CUBN: variants seen among roughly 807,000 people sequenced by gnomAD.
The protein encoded by CUBN is 460 kDa receptor.
Under a neutral mutation model 405.3 loss-of-function variants are expected in CUBN, and 282 were observed. The observed-to-expected ratio is 0.70, with a 90% CI of 0.63 to 0.77. The LOEUF (loss-of-function observed/expected upper bound fraction) is 0.77, where lower values mean the gene tolerates loss of function less well. Among genes scored for constraint, CUBN ranks in the 30% least tolerant of loss-of-function variants. The pLI is 0.00. For missense variants in CUBN, 4,514 were observed against 4,475.2 expected, an observed-to-expected ratio of 1.01 and a Z score of -0.25; for synonymous variants, 1,684 against 1,617.0, an observed-to-expected ratio of 1.04 and a Z score of -0.99.
intron 28 of CUBN, among the ~76,000 whole-genome samples, chr10:16,995,686 A>G (rs1833713211): frequency 6.6e-6 from 1 of 152,162 alleles, no homozygotes; most frequent in Non-Finnish European, 1.5e-5. Flanking sequence ...ACTTGGAGCT[A>G]GAAGAGGAAT....
At chr10:16,924,364 G>A (rs937565089) in intron 43 of CUBN, among the ~76,000 whole-genome samples, 60 of 152,228 alleles carry the variant, frequency 3.9e-4, no homozygotes, top group African/African-American at 1.4e-3. Flanking sequence ...TCCTTCCCTG[G>A]TGTTCTGGAC....
intron 14 of CUBN, among the ~76,000 whole-genome samples, chr10:17,090,932 T>G (rs925702235): frequency 6.6e-6 from 1 of 152,040 alleles, no homozygotes; most frequent in African/African-American, 2.4e-5. Context: ...CAAAAAAGTT[T>G]TTTCTAATTC....
chr10:17,110,902 T>G lies in CUBN; in HGVS notation c.1015+17A>C, dbSNP rs200154949. On this transcript the variant is annotated intron_variant, in intron 9 of 66. Coordinates refer to ENST00000377833, the MANE Select transcript of CUBN (RefSeq NM_001081.4). ...CTGTGCTGGGGTCAGGAGGTTGACATTGAACCGAGGCAGCACCTGGTGGAC... is the reference window on the plus strand; with the variant it reads ...CTGTGCTGGGGTCAGGAGGTTGACAGTGAACCGAGGCAGCACCTGGTGGAC... The G allele has an allele frequency of 1.9e-6, 3 of 1,614,172 alleles. No individual in the cohort carries two copies. The highest frequency in any genetic ancestry group is 2.5e-6 in the Non-Finnish European group (3 of 1,180,032).
chr10:16,882,600 T>A lies in CUBN; in HGVS notation c.8906-5503A>T, dbSNP rs192538458. On this transcript the variant is annotated intron_variant, in intron 56 of 66. Transcript: ENST00000377833. ...GGATTTAGAGTTGGACCACAGTTTTTCTCCAAAGTGGGGGGAGGGCGTGGG... is the reference window on the plus strand; with the variant it reads ...GGATTTAGAGTTGGACCACAGTTTTACTCCAAAGTGGGGGGAGGGCGTGGG... Among the ~76,000 whole-genome samples, 320 of 152,302 alleles carry A rather than the reference T, an allele frequency of 2.1e-3. 1 individual carries two copies. The highest frequency in any genetic ancestry group is 7.0e-3 in the African/African-American group (292 of 41,548).
At chr10:16,848,317 C>A (rs1267713316) in intron 60 of CUBN, among the ~76,000 whole-genome samples, 5 of 152,026 alleles carry the variant, frequency 3.3e-5, no homozygotes, top group Non-Finnish European at 5.9e-5. Flanking sequence ...ATATGCAAAT[C>A]CATTATTTTT....
intron 6 of CUBN, among the ~76,000 whole-genome samples, chr10:17,118,819 T>C (rs1393137644): frequency 6.6e-6 from 1 of 152,204 alleles, no homozygotes; most frequent in Non-Finnish European, 1.5e-5. Context: ...AAATGAACAA[T>C]TACTTATATA....
At chr10:17,082,415 T>C (rs1365775252) in intron 17 of CUBN, among the ~76,000 whole-genome samples, 1 of 152,198 alleles carries the variant, frequency 6.6e-6, no homozygotes, top group African/African-American at 2.4e-5. Flanking sequence ...TGTGCAAACT[T>C]TTCAGAAGAA....
intron 36 of CUBN, among the ~76,000 whole-genome samples, chr10:16,945,200 A>AT (rs1219087031): frequency 1.4e-5 from 2 of 147,396 alleles, no homozygotes; most frequent in Non-Finnish European, 3.1e-5. Context: ...ACAGGAAAAG[A>AT]CCAAAAAAAA....
At chr10:16,880,833 T>C (rs55819050) in intron 56 of CUBN, among the ~76,000 whole-genome samples, 8,077 of 152,222 alleles carry the variant, frequency 0.053, 750 homozygotes, top group African/African-American at 0.18. Context: ...ATTTTGAAAA[T>C]GCTGGAATAG....
Position 16,907,513 on chromosome 10 carries a change from T to C in CUBN, c.7700A>G (p.Asp2567Gly), listed in dbSNP as rs201036060. ...TTTACAACATCCTACATTACCTGCA[T>C]CTTCACTGGAGGTATAGGAAGCAGT... Reference protein sequence around the residue: ...GFTASYTSSEDAVCGGSLPNT... With the variant: ...GFTASYTSSEGAVCGGSLPNT... The change falls in exon 49 of 67, where the codon GAT becomes GGT. Residue 2567 changes from aspartate (D) to glycine (G), a missense_variant. Asp to Gly is a moderately conservative substitution (Grantham distance 94). Coordinates refer to ENST00000377833, the MANE Select transcript of CUBN (RefSeq NM_001081.4). 6.2e-7 allele frequency: 1 copy of C among 1,614,090 alleles called. No homozygotes were observed. Among genetic ancestry groups the C allele is most frequent in the Non-Finnish European group, 8.5e-7 (1 of 1,179,976 alleles).
intron 54 of CUBN, among the ~76,000 whole-genome samples, chr10:16,895,199 ACT>A (rs901686639): frequency 6.6e-6 from 1 of 152,034 alleles, no homozygotes; most frequent in Non-Finnish European, 1.5e-5. Context: ...CAAAGAACAC[ACT>A]CTGTATTTCA....
intron 58 of CUBN, among the ~76,000 whole-genome samples, chr10:16,872,782 C>T (rs904929372): frequency 6.6e-6 from 1 of 152,206 alleles, no homozygotes; most frequent in Non-Finnish European, 1.5e-5. Flanking sequence ...AAATGGCTCC[C>T]CCTTACACTT....
intron 30 of CUBN, among the ~76,000 whole-genome samples, chr10:16,983,059 A>G (rs1833320176): frequency 6.6e-6 from 1 of 152,180 alleles, no homozygotes; most frequent in Non-Finnish European, 1.5e-5. Flanking sequence ...TTTAATATCT[A>G]CCCTTTAAAA....
At chr10:16,975,762 CT>C (rs1334135696) in intron 31 of CUBN, among the ~76,000 whole-genome samples, 1 of 151,322 alleles carries the variant, frequency 6.6e-6, no homozygotes, top group Non-Finnish European at 1.5e-5. Context: ...TCCCAAGTCG[CT>C]GGGATTACAA....
intron 22 of CUBN, among the ~76,000 whole-genome samples, chr10:17,058,508 A>G (rs1835441959): frequency 6.6e-6 from 1 of 152,150 alleles, no homozygotes; most frequent in Admixed American, 6.5e-5. Context: ...GAAATAAAAC[A>G]TCATATTTGA....
chr10:16,983,662 T>C (rs552684987), intron 30 of CUBN, among the ~76,000 whole-genome samples: 12 of 152,360 alleles, frequency 7.9e-5, no homozygotes, highest in Non-Finnish European at 1.5e-4. Context: ...TTTAAAAATA[T>C]ACAATAGGCA....
intron 36 of CUBN, among the ~76,000 whole-genome samples, chr10:16,942,858 G>GGTAAA (rs1842689962): frequency 8.8e-6 from 1 of 114,212 alleles, no homozygotes; most frequent in Non-Finnish European, 1.7e-5. Context: ...GGAAGGGGAA[G>GGTAAA]GGAAAGGAAG....
chr10:16,913,976 A>T lies in CUBN; in HGVS notation c.7368T>A (p.Leu2456=). The change falls in exon 48 of 67, where the codon CTT becomes CTA. Residue 2456 remains leucine (L), a synonymous_variant. Transcript: ENST00000377833. The stretch of plus-strand genomic sequence containing the variant: ...AAGTAAATGTTCCAATAGAGCCCTG[A>T]AGATCCCCACCACACTCTGACGTGG... ...ESSMEECGGD[L]QGSIGTFTSP... is the part of the protein sequence containing the mutation. The T allele has an allele frequency of 6.2e-7, 1 of 1,614,108 alleles. No homozygotes were observed.
At chr10:17,068,402 T>G in intron 20 of CUBN, 122 bp from the exon 21 acceptor site, 1 of 1,057,272 alleles carries the variant, frequency 9.5e-7, no homozygotes, top group East Asian at 2.6e-5. Context: ...AGTTGCCACT[T>G]AAGATAACCT....
Sources: gnomAD v4.1 joint callset for allele counts (sites outside exome capture counted in the v4.1 genomes callset) on GRCh38, gnomAD v4.1.1 for gene constraint, MANE v1.5 for transcripts, NCBI Gene and HGNC (gene_info 2026-07-23, HGNC 2026-07-21) for gene names.